The following UGT1A8 variants were observed in gnomAD, a reference collection of about 807,000 sequenced individuals.
UGT1A8 encodes the protein UDP-glucuronosyltransferase 1A8.
UGT1A8 carries 39 observed loss-of-function variants against 45.3 expected under a neutral mutation model. The ratio of observed to expected loss-of-function variants is 0.86; its 90% CI spans 0.67 to 1.12. The LOEUF (loss-of-function observed/expected upper bound fraction) is 1.12, where lower values mean the gene tolerates loss of function less well. Among genes scored for constraint, UGT1A8 ranks in the 50% most tolerant of loss-of-function variants. The pLI, the probability that UGT1A8 is intolerant of heterozygous loss-of-function variation, is 0.00. For missense variants in UGT1A8, 719 were observed against 664.9 expected, an observed-to-expected ratio of 1.08 and a Z score of -0.90; for synonymous variants, 275 against 249.2, an observed-to-expected ratio of 1.10 and a Z score of -0.97.
At chr2:233,761,893 A>G (rs1304507847) in intron 1 of UGT1A8, among the ~76,000 whole-genome samples, 1 of 152,212 alleles carries the variant, frequency 6.6e-6, no homozygotes, top group African/African-American at 2.4e-5. Context: ...CTTATCCTGC[A>G]AAGATTGGCT....
chr2:233,637,538 C>G (rs956155950), intron 1 of UGT1A8, among the ~76,000 whole-genome samples: 2 of 152,114 alleles, frequency 1.3e-5, no homozygotes, highest in Non-Finnish European at 2.9e-5. Flanking sequence ...CATCAATTAT[C>G]AAATTTTATA....
At chr2:233,754,973 G>T in intron 1 of UGT1A8, 1 of 1,299,560 alleles carries the variant, frequency 7.7e-7, no homozygotes, top group Non-Finnish European at 1.0e-6. Flanking sequence ...ACTCCCTGAA[G>T]ACCTCGGCGG....
chr2:233,719,328 G>T (rs776987422), intron 1 of UGT1A8: 1 of 1,613,970 alleles, frequency 6.2e-7, no homozygotes, highest in South Asian at 1.1e-5. Context: ...GATTCCTGCT[G>T]TGTTTTTTTG....
chr2:233,711,999 G>A (rs746507163), intron 1 of UGT1A8, among the ~76,000 whole-genome samples: 2 of 152,198 alleles, frequency 1.3e-5, no homozygotes, highest in Non-Finnish European at 2.9e-5. Context: ...ATTCTGTTCT[G>A]GAGGAACCAT....
chr2:233,747,828 A>G, intron 1 of UGT1A8: 8 of 1,613,512 alleles, frequency 5.0e-6, no homozygotes, highest in Non-Finnish European at 6.8e-6. Flanking sequence ...AGACCACATG[A>G]CATTCCTGCA....
intron 1 of UGT1A8, among the ~76,000 whole-genome samples, chr2:233,718,473 G>C (rs2076656513): frequency 6.6e-6 from 1 of 152,232 alleles, no homozygotes; most frequent in African/African-American, 2.4e-5. Context: ...GCTGCAGCCT[G>C]ATAAATATGG....
chr2:233,633,550 G>A (rs1186965076), intron 1 of UGT1A8, among the ~76,000 whole-genome samples: 1 of 152,164 alleles, frequency 6.6e-6, no homozygotes, highest in Non-Finnish European at 1.5e-5. Context: ...GGATATACGT[G>A]TCCAGGAATT....
intron 1 of UGT1A8, chr2:233,719,003 C>T: frequency 6.2e-7 from 1 of 1,614,256 alleles, no homozygotes; most frequent in Admixed American, 1.7e-5. Context: ...CGGTGGTCCT[C>T]ACCCCAGAGG....
At chr2:233,767,192 A>C (rs752013731) in intron 2 of UGT1A8, 27 bp downstream of exon 2, 1 of 1,613,796 alleles carries the variant, frequency 6.2e-7, no homozygotes, top group African/African-American at 1.3e-5. Context: ...CCATGGCCTC[A>C]TATCTATTTT....
chr2:233,682,927 C>T (rs2074607271), intron 1 of UGT1A8: 1 of 1,459,984 alleles, frequency 6.8e-7, no homozygotes, highest in Non-Finnish European at 9.0e-7. Flanking sequence ...TCTTTTGTAC[C>T]AATTCACTTA....
At chr2:233,721,832 G>A (rs935086568) in intron 1 of UGT1A8, 5 of 515,852 alleles carry the variant, frequency 9.7e-6, no homozygotes, top group Admixed American at 3.9e-5. Flanking sequence ...TTGGGCCACC[G>A]ACCTTGTGTC....
At chr2:233,734,361 G>A (rs557706400) in intron 1 of UGT1A8, among the ~76,000 whole-genome samples, 44 of 152,144 alleles carry the variant, frequency 2.9e-4, no homozygotes, top group Non-Finnish European at 5.3e-4. Flanking sequence ...CTGTGGGATC[G>A]GTGGTGATAT....
chr2:233,712,916 G>T (rs2076260625), intron 1 of UGT1A8: 4 of 1,611,516 alleles, frequency 2.5e-6, no homozygotes, highest in Non-Finnish European at 3.4e-6. Context: ...CAGTGACAAG[G>T]TAATTAAGAC....
intron 1 of UGT1A8, among the ~76,000 whole-genome samples, chr2:233,695,579 C>G (rs967801959): frequency 2.6e-5 from 4 of 151,918 alleles, no homozygotes; most frequent in Non-Finnish European, 2.9e-5. Flanking sequence ...CCCTTCCCTA[C>G]TTACCCTTTC....
chr2:233,630,415 G>A (rs567809235), intron 1 of UGT1A8, among the ~76,000 whole-genome samples: 3 of 152,108 alleles, frequency 2.0e-5, no homozygotes, highest in Admixed American at 1.3e-4. Flanking sequence ...ATCCATGAAG[G>A]TATCAAGAAA....
intron 1 of UGT1A8, chr2:233,717,976 A>G (rs2076619193): frequency 1.8e-5 from 8 of 446,196 alleles, no homozygotes; most frequent in Middle Eastern, 7.0e-4. Context: ...GGCATTCAGA[A>G]GAGGAATTCA....
intron 1 of UGT1A8, among the ~76,000 whole-genome samples, chr2:233,745,501 T>A (rs1359317730): frequency 1.3e-5 from 2 of 151,666 alleles, no homozygotes; most frequent in Non-Finnish European, 2.9e-5. Flanking sequence ...TAAGATTTCC[T>A]ATAGGGTATT....
rs1228261525 is a variant in UGT1A8 at position 233,707,568 on chromosome 2, T to G, written c.856-59466T>G. On this transcript the variant is annotated intron_variant, in intron 1 of 4. Transcript: ENST00000373450. ...TTTTTTTTTTGGTTCAACCTTATGT[T>G]TGAGAGATTCATGATGTGTGTTTTT... Among the ~76,000 whole-genome samples the G allele has an allele frequency of 2.0e-5, 3 of 152,064 alleles. No homozygotes were observed. In the East Asian group the frequency reaches 5.8e-4, roughly 29 times the overall value.
chr2:233,635,083 A>T (rs1048048010), intron 1 of UGT1A8, among the ~76,000 whole-genome samples: 5 of 150,870 alleles, frequency 3.3e-5, no homozygotes, highest in Non-Finnish European at 4.4e-5. Flanking sequence ...CTGGATATGA[A>T]ATTCTGGATT....
Sources: gnomAD v4.1 joint callset for allele counts (sites outside exome capture counted in the v4.1 genomes callset) on GRCh38, gnomAD v4.1.1 for gene constraint, MANE v1.5 for transcripts, NCBI Gene and HGNC (gene_info 2026-07-23, HGNC 2026-07-21) for gene names.